The following DNTT variants were observed in gnomAD, a reference collection of about 807,000 sequenced individuals.
DNTT encodes DNA nucleotidylexotransferase, also known as nucleosidetriphosphate:DNA deoxynucleotidylexotransferase.
DNTT carries 47 observed loss-of-function variants against 60.9 expected under a neutral mutation model. The ratio of observed to expected loss-of-function variants is 0.77; its 90% CI spans 0.61 to 0.98. The LOEUF is 0.98. DNTT is among the 50% of genes least tolerant of loss of function. DNTT has a pLI of 0.00. For synonymous variants in DNTT, 224 were observed against 221.2 expected (o/e 1.01, Z -0.11); for missense variants, 665 against 627.5 (o/e 1.06, Z -0.64).
intron 1 of DNTT, among the ~76,000 whole-genome samples, chr10:96,315,127 G>T (rs1201319739): frequency 6.6e-6 from 1 of 152,102 alleles, no homozygotes; most frequent in Non-Finnish European, 1.5e-5. Context: ...AACACAAGAC[G>T]ATGGGAAATA....
intron 1 of DNTT, among the ~76,000 whole-genome samples, chr10:96,309,101 C>T (rs1844678633): frequency 1.3e-5 from 2 of 152,158 alleles, no homozygotes; most frequent in South Asian, 4.1e-4. Flanking sequence ...GGTTGGCTCT[C>T]CACCTTTGCA....
At chr10:96,315,555 T>C (rs2133985990) in intron 1 of DNTT, among the ~76,000 whole-genome samples, 1 of 152,206 alleles carries the variant, frequency 6.6e-6, no homozygotes, top group Admixed American at 6.5e-5. Context: ...GAAATGCATA[T>C]GGTTCTCACC....
At chr10:96,304,769 G>C (rs1375860217) in intron 1 of DNTT, 69 bp downstream of exon 1, 13 of 1,521,570 alleles carry the variant, frequency 8.5e-6, no homozygotes, top group Non-Finnish European at 1.2e-5. Context: ...GGAACCCAAG[G>C]AACCTGTGTT....
intron 1 of DNTT, among the ~76,000 whole-genome samples, chr10:96,311,799 A>C (rs2133984089): frequency 6.6e-6 from 1 of 152,212 alleles, no homozygotes; most frequent in African/African-American, 2.4e-5. Context: ...ACGTGCCACC[A>C]CACCCAGCTA....
At chr10:96,326,243 G>A (rs1844937891) in intron 6 of DNTT, among the ~76,000 whole-genome samples, 1 of 152,168 alleles carries the variant, frequency 6.6e-6, no homozygotes, top group South Asian at 2.1e-4. Flanking sequence ...CAGCCTAATA[G>A]AGCATTGCTT....
chr10:96,320,681 T>A lies in DNTT; in HGVS notation c.571T>A (p.Phe191Ile). 6.2e-7 allele frequency: 1 copy of A among 1,613,864 alleles called. No homozygotes were observed. The highest frequency in any genetic ancestry group is 8.5e-7 in the Non-Finnish European group (1 of 1,179,822). ...AGAAAATGAAGACTCCTGTGTGACATTTATGAGAGCAGCTTCTGTATTGAA... is the reference window on the plus strand; with the variant it reads ...AGAAAATGAAGACTCCTGTGTGACAATTATGAGAGCAGCTTCTGTATTGAA... ...FRENEDSCVT[F>I]MRAASVLKSL... Residue 191 changes from phenylalanine to isoleucine, a missense_variant, in exon 4 of 11, where the codon TTT (phenylalanine) becomes ATT (isoleucine). Physicochemically the swap from Phe to Ile is conservative, Grantham distance 21 (BLOSUM62 0). Coordinates refer to ENST00000371174, the MANE Select transcript of DNTT (RefSeq NM_004088.4).
chr10:96,316,257 G>A (rs1282606939), intron 1 of DNTT, among the ~76,000 whole-genome samples: 2 of 152,054 alleles, frequency 1.3e-5, no homozygotes, highest in Non-Finnish European at 2.9e-5. Context: ...ATCTTTCATA[G>A]GTGAGCTGAT....
At chr10:96,325,281 C>T (rs1473101584) in intron 6 of DNTT, among the ~76,000 whole-genome samples, 2 of 152,038 alleles carry the variant, frequency 1.3e-5, no homozygotes, top group Non-Finnish European at 1.5e-5. Flanking sequence ...AATACAATGC[C>T]ACATAGGAAA....
rs992319698 is a variant in DNTT at position 96,320,616 on chromosome 10, A to G, written c.508-2A>G. On this transcript the variant is annotated splice_acceptor_variant, in intron 3 of 10. Coordinates refer to ENST00000371174, the MANE Select transcript of DNTT (RefSeq NM_004088.4). LOFTEE classifies it high-confidence loss of function. Reference sequence around the variant, plus strand: ...TCCTGCTTATCTGGTTTTATCCTGCAGGATGCCTTTGATATACTGGCTGAA... The same window carrying G: ...TCCTGCTTATCTGGTTTTATCCTGCGGGATGCCTTTGATATACTGGCTGAA... The G allele has an allele frequency of 1.2e-6, 2 of 1,613,524 alleles. No homozygotes were observed. Among genetic ancestry groups the G allele is most frequent in the African/African-American group, 2.7e-5 (2 of 75,008 alleles).
At chr10:96,304,789 A>G in intron 1 of DNTT, 89 bp downstream of exon 1, 1 of 1,420,606 alleles carries the variant, frequency 7.0e-7, no homozygotes, top group South Asian at 1.4e-5. Flanking sequence ...TTTCTTCCAC[A>G]TGTGGAAGAG....
rs1396030243 is a variant in DNTT at position 96,319,305 on chromosome 10, A to G, written c.422A>G (p.Lys141Arg). 3 of 1,613,904 alleles carry G rather than the reference A, an allele frequency of 1.9e-6. No individual in the cohort carries two copies. In the East Asian group the frequency reaches 6.7e-5, roughly 36 times the overall value. ...YSDSTNPGPP[K>R]TPPIAVQKIS... Reference sequence around the variant, plus strand: ...GATAGCACCAACCCAGGCCCCCCGAAGACTCCACCAATTGCTGTACAAAAG... The same window carrying G: ...GATAGCACCAACCCAGGCCCCCCGAGGACTCCACCAATTGCTGTACAAAAG... The change falls in exon 3 of 11, where the codon AAG (lysine) becomes AGG (arginine). Residue 141 changes from lysine (K) to arginine (R), a missense_variant. Coordinates refer to ENST00000371174, the MANE Select transcript of DNTT (RefSeq NM_004088.4).
chr10:96,327,854 G>C (rs550509638), intron 7 of DNTT, among the ~76,000 whole-genome samples: 1 of 152,108 alleles, frequency 6.6e-6, no homozygotes, highest in South Asian at 2.1e-4. Flanking sequence ...TCAAATTGTC[G>C]CTTGGCTGAC....
intron 1 of DNTT, among the ~76,000 whole-genome samples, chr10:96,308,779 C>T (rs919923031): frequency 4.6e-5 from 7 of 151,960 alleles, no homozygotes; most frequent in Admixed American, 2.6e-4. Context: ...GGGCAGGGGG[C>T]GGATCTCAAC....
intron 1 of DNTT, among the ~76,000 whole-genome samples, chr10:96,317,664 G>A (rs1283387839): frequency 2.0e-5 from 3 of 152,122 alleles, no homozygotes; most frequent in Non-Finnish European, 4.4e-5. Context: ...AAAGAGGCCC[G>A]AGAGAGCTGC....
intron 4 of DNTT, among the ~76,000 whole-genome samples, chr10:96,322,192 C>A (rs570858110): frequency 6.6e-6 from 1 of 152,170 alleles, no homozygotes; most frequent in Non-Finnish European, 1.5e-5. Flanking sequence ...GTATATTATT[C>A]AAGGACAATT....
intron 1 of DNTT, 51 bp from the exon 2 acceptor site, chr10:96,318,301 T>C (rs1006266381): frequency 3.8e-6 from 6 of 1,566,478 alleles, no homozygotes; most frequent in Non-Finnish European, 5.2e-6. Context: ...AGAGGAGAGC[T>C]TCTGATTTTG....
At chr10:96,330,582 T>A (rs1053414162) in intron 8 of DNTT, among the ~76,000 whole-genome samples, 3 of 152,148 alleles carry the variant, frequency 2.0e-5, no homozygotes, top group Non-Finnish European at 4.4e-5. Context: ...TCAAATGGTG[T>A]TTTTTCTTCA....
At chr10:96,332,921 T>G (rs2133995622) in intron 9 of DNTT, among the ~76,000 whole-genome samples, 2 of 152,262 alleles carry the variant, frequency 1.3e-5, no homozygotes, top group Admixed American at 1.3e-4. Context: ...CGGAAATTTG[T>G]TTGGAAAAGG....
chr10:96,331,976 T>C (rs942273336), intron 8 of DNTT, among the ~76,000 whole-genome samples: 2 of 152,104 alleles, frequency 1.3e-5, no homozygotes, highest in Non-Finnish European at 1.5e-5. Context: ...TGAGGTCTTA[T>C]TATGTCACCC....
Sources: allele counts gnomAD v4.1 joint callset (sites outside exome capture counted in the v4.1 genomes callset), GRCh38; gene constraint gnomAD v4.1.1; transcripts MANE v1.5; gene names NCBI Gene and HGNC (gene_info 2026-07-23, HGNC 2026-07-21).